The following B4GALNT2 variants were observed in gnomAD, a reference collection of about 807,000 sequenced individuals.
B4GALNT2 encodes the protein beta-1,4-N-acetyl-galactosaminyltransferase 2 (SID blood group).
In B4GALNT2, 42 loss-of-function variants were observed where a neutral mutation model predicts 51.1. That is an observed-to-expected ratio of 0.82 (90% CI 0.64 to 1.06). The LOEUF is 1.06. Ranked by LOEUF, B4GALNT2 falls within the 50% of genes least tolerant of loss-of-function variation. The pLI is 0.00. For synonymous variants in B4GALNT2, 253 were observed against 251.7 expected, an observed-to-expected ratio of 1.01 and a Z score of -0.05; for missense variants, 602 against 633.6, an observed-to-expected ratio of 0.95 and a Z score of 0.54.
At chr17:49,151,145 CGGGCGG>C (rs1228504947) in intron 3 of B4GALNT2, among the ~76,000 whole-genome samples, 1 of 4 alleles carries the variant, frequency 0.25, no homozygotes, top group African/African-American at 0.25. Context: ...GAGGCCGAGG[CGGGCGG>C]ATCACGAGGT....
the B4GALNT2 span, among the ~76,000 whole-genome samples, chr17:49,120,484 CTGTGTGTGTGTGTG>C: frequency 3.5e-5 from 5 of 144,066 alleles, no homozygotes; most frequent in Non-Finnish European, 6.1e-5. Flanking sequence ...GTGTGTGTGT[CTGTGTGTGTGTGTG>C]TGTGTGTGTG....
chr17:49,155,843 C>T (rs1420526923), intron 4 of B4GALNT2, among the ~76,000 whole-genome samples: 1 of 151,704 alleles, frequency 6.6e-6, no homozygotes, highest in East Asian at 1.9e-4. Flanking sequence ...CCCGCTCAGC[C>T]TCCTGAGTAG....
chr17:49,171,370 C>T lies in B4GALNT2; in HGVS notation c.*1642C>T, dbSNP rs912487904. On this transcript the variant is annotated 3_prime_UTR_variant, in exon 11 of 11. Transcript: ENST00000393354. ...AATCTGTCTGCAGCTCCTTCAAGCACTCCAGTTCCTGGCATTAAGGTCAAG... is the reference window on the plus strand; with the variant it reads ...AATCTGTCTGCAGCTCCTTCAAGCATTCCAGTTCCTGGCATTAAGGTCAAG... 2.3e-6 allele frequency: 1 copy of T among 433,262 alleles called. No individual in the cohort carries two copies. Among genetic ancestry groups the T allele is most frequent in the African/African-American group, 2.1e-5 (1 of 48,346 alleles). The allele number at this position is 433,262 out of a possible 1,614,324, so 26.8% of individuals were successfully genotyped here.
At chr17:49,158,905 AGGGCACCCTGG>A (rs2042835687) in intron 5 of B4GALNT2, 121 bp from the exon 6 acceptor site, 1 of 1,079,078 alleles carries the variant, frequency 9.3e-7, no homozygotes, top group African/African-American at 1.6e-5. Context: ...TACACTGTCA[AGGGCACCCTGG>A]TGCTTCTCCC....
Position 49,176,299 on chromosome 17 carries a change from G to T in B4GALNT2, c.*6571G>T, listed in dbSNP as rs1402632010. 1 of 152,190 alleles carries T rather than the reference G, an allele frequency of 6.6e-6. No homozygotes were observed. The highest frequency in any genetic ancestry group is 2.4e-5 in the African/African-American group (1 of 41,440). The allele number at this position is 152,190 out of a possible 1,614,324, so 9.4% of individuals were successfully genotyped here. A position where few individuals can be genotyped will look rare whatever the true frequency, so the allele number is the denominator to read the frequency against. ...TATAGAGTGTGGAGTGGGAAATCAG[G>T]GGACTCACAGCCTTCAGAGCTGAAA... is the stretch of plus-strand genomic sequence containing the variant. On this transcript the variant is annotated 3_prime_UTR_variant, in exon 11 of 11. Coordinates refer to ENST00000393354, the MANE Select transcript of B4GALNT2 (RefSeq NM_001159387.2).
At position 49,147,940 on chromosome 17, in the gene B4GALNT2, A is replaced by G. The variant is rs2042711959; in HGVS notation, c.354-4860A>G. The stretch of plus-strand genomic sequence containing the variant: ...GTACTTGGTACCATAAAAACAAATC[A>G]CTCTGAAATTTGTTTTTTTATTCAA... On this transcript the variant is annotated intron_variant, in intron 3 of 10. Coordinates refer to ENST00000393354, the MANE Select transcript of B4GALNT2 (RefSeq NM_001159387.2). Among the ~76,000 whole-genome samples, 4 of 147,818 alleles carry G rather than the reference A, an allele frequency of 2.7e-5. No individual in the cohort carries two copies. The Admixed American group carries it at 2.7e-4, about 10-fold the overall frequency.
At chr17:49,145,552 C>G (rs2042687011) in intron 3 of B4GALNT2, among the ~76,000 whole-genome samples, 1 of 152,184 alleles carries the variant, frequency 6.6e-6, no homozygotes, top group Non-Finnish European at 1.5e-5. Context: ...TTTTACTACC[C>G]ATTCTGTATT....
the B4GALNT2 span, among the ~76,000 whole-genome samples, chr17:49,126,577 T>C: frequency 6.6e-6 from 1 of 151,500 alleles, no homozygotes; most frequent in Non-Finnish European, 1.5e-5. Flanking sequence ...CTAAGAGTTA[T>C]AGTGGCATTG....
chr17:49,134,016 C>T (rs1407848466), intron 1 of B4GALNT2, among the ~76,000 whole-genome samples: 3 of 152,168 alleles, frequency 2.0e-5, no homozygotes, highest in African/African-American at 7.2e-5. Flanking sequence ...GGCTTTGCAT[C>T]CATCCACGTC....
intron 3 of B4GALNT2, chr17:49,148,679 A>G: frequency 1.8e-6 from 1 of 560,642 alleles, no homozygotes; most frequent in South Asian, 2.2e-5. Flanking sequence ...TCATGACATG[A>G]AGGTCGGGCA....
At chr17:49,127,889 C>A (rs1203993999), upstream of B4GALNT2, among the ~76,000 whole-genome samples, 1 of 152,134 alleles carries the variant, frequency 6.6e-6, no homozygotes, top group Non-Finnish European at 1.5e-5. Context: ...TAGGGTCTTT[C>A]ATATATGCAC....
At chr17:49,166,083 A>C (rs201991198) in intron 8 of B4GALNT2, 31 bp from the exon 9 acceptor site, 11 of 1,606,566 alleles carry the variant, frequency 6.8e-6, no homozygotes, top group Non-Finnish European at 9.4e-6. Flanking sequence ...TAATATGGGC[A>C]ACCACTCCTT....
chr17:49,153,550 A>G (rs1226005110), intron 4 of B4GALNT2, among the ~76,000 whole-genome samples: 3 of 151,138 alleles, frequency 2.0e-5, no homozygotes, highest in African/African-American at 7.3e-5. Flanking sequence ...TCCATCTCTC[A>G]GGCTAGAGTG....
At chr17:49,164,386 A>T in intron 8 of B4GALNT2, 111 bp downstream of exon 8, 1 of 978,558 alleles carries the variant, frequency 1.0e-6, no homozygotes, top group Non-Finnish European at 1.5e-6. Flanking sequence ...AAGAAAGCAG[A>T]GTCCAGGAGT....
Position 49,169,824 on chromosome 17 carries a change from A to C in B4GALNT2, c.*96A>C. On this transcript the variant is annotated 3_prime_UTR_variant, in exon 11 of 11. Coordinates refer to ENST00000393354, the MANE Select transcript of B4GALNT2 (RefSeq NM_001159387.2). ...ACTCCTGATAGGTGAACGTTGTACC[A>C]AACCAGCTGGTGGGTAGGGAAAAGG... is the stretch of plus-strand genomic sequence containing the variant. 8.3e-7 allele frequency: 1 copy of C among 1,211,082 alleles called. No homozygotes were observed. The highest frequency in any genetic ancestry group is 1.1e-6 in the Non-Finnish European group (1 of 893,984). 75.0% of individuals were successfully genotyped at this position (1,211,082 alleles called of 1,614,324 possible).
At chr17:49,130,654 T>C (rs1234561952), upstream of B4GALNT2, among the ~76,000 whole-genome samples, 1 of 107,448 alleles carries the variant, frequency 9.3e-6, no homozygotes, top group Non-Finnish European at 2.2e-5. Flanking sequence ...AAAAAATGTC[T>C]AGTTGTGTAT....
chr17:49,166,246 C>G lies in B4GALNT2; in HGVS notation c.1087C>G (p.Leu363Val), dbSNP rs140270910. The G allele has an allele frequency of 9.4e-5, 151 of 1,613,458 alleles. No homozygotes were observed. In the African/African-American group the frequency reaches 1.8e-3, roughly 19 times the overall value. Reference protein sequence around the residue: ...VLVDVLEKTELDVVGGSVLGN... With the variant: ...VLVDVLEKTEVDVVGGSVLGN... ...GGTGGATGTCCTGGAGAAAACAGAACTGGACGTGGTAAGGGACAGTTGCCA... is the reference window on the plus strand; with the variant it reads ...GGTGGATGTCCTGGAGAAAACAGAAGTGGACGTGGTAAGGGACAGTTGCCA... The change falls in exon 9 of 11, where the codon CTG becomes GTG. Residue 363 changes from leucine to valine, a missense_variant. By Grantham distance (32) the Leu-to-Val change is conservative. Transcript: ENST00000393354.
intron 1 of B4GALNT2, among the ~76,000 whole-genome samples, chr17:49,135,644 T>C (rs937288850): frequency 1.3e-5 from 2 of 152,172 alleles, no homozygotes; most frequent in African/African-American, 4.8e-5. Flanking sequence ...ATAAAAAATC[T>C]GTTCTGTTAG....
At chr17:49,169,449 C>A in intron 10 of B4GALNT2, 74 bp from the exon 11 acceptor site, 1 of 1,429,948 alleles carries the variant, frequency 7.0e-7, no homozygotes, top group Non-Finnish European at 9.7e-7. Context: ...GGGACTCTCC[C>A]CCACCAGACC....
Sources: gnomAD v4.1 joint callset for allele counts (sites outside exome capture counted in the v4.1 genomes callset) on GRCh38, gnomAD v4.1.1 for gene constraint, MANE v1.5 for transcripts, NCBI Gene and HGNC (gene_info 2026-07-23, HGNC 2026-07-21) for gene names.